Variants in ARHGAP6 observed in about 807,000 individuals in gnomAD.
ARHGAP6 encodes the protein rho GTPase-activating protein 6.
Under a neutral mutation model 55.7 loss-of-function variants are expected in ARHGAP6, and 16 were observed. The observed-to-expected ratio is 0.29, with a 90% CI of 0.19 to 0.44. The LOEUF is 0.44. Among genes scored for constraint, ARHGAP6 ranks in the 20% least tolerant of loss-of-function variants. The pLI is 1.00. For synonymous variants in ARHGAP6, 382 were observed against 360.9 expected (o/e 1.06, Z -0.66); for missense variants, 698 against 808.9 (o/e 0.86, Z 1.66).
At position 11,652,494 on chromosome X, in the gene ARHGAP6, G is replaced by A. The variant is rs766083256; in HGVS notation, c.588+11747C>T. 3.6e-5 allele frequency among the ~76,000 whole-genome samples: 4 copies of A among 111,883 alleles called. No individual in the cohort carries two copies. The South Asian group carries it at 1.5e-3, about 42-fold the overall frequency. ...CTTTGGGGGCAAGAGTTTAACTTTC[G>A]TTTAAAATATTTTCCAGTTGTAGTT... On this transcript the variant is annotated intron_variant, in intron 1 of 12. Transcript: ENST00000337414.
intron 6 of ARHGAP6, 55 bp from the exon 7 acceptor site, chrX:11,179,507 G>GTGCCCAGCA: frequency 8.7e-7 from 1 of 1,152,877 alleles, no homozygotes; most frequent in Non-Finnish European, 1.2e-6. Flanking sequence ...TCAATGAGCA[G>GTGCCCAGCA]TGCCCAGCAG....
chrX:11,292,129 G>A (rs546491617), intron 1 of ARHGAP6, among the ~76,000 whole-genome samples: 1 of 111,719 alleles, frequency 9.0e-6, no homozygotes, highest in South Asian at 3.7e-4. Context: ...TAAGTAATTT[G>A]TATATATACG....
intron 1 of ARHGAP6, among the ~76,000 whole-genome samples, chrX:11,419,275 C>A (rs1003123638): frequency 8.9e-6 from 1 of 112,030 alleles, no homozygotes; most frequent in Non-Finnish European, 1.9e-5. Flanking sequence ...AACACATTGG[C>A]GTAGTTCATT....
chrX:11,363,191 A>AG (rs2147697033), intron 1 of ARHGAP6, among the ~76,000 whole-genome samples: 1 of 112,260 alleles, frequency 8.9e-6, no homozygotes, highest in African/African-American at 3.2e-5. Flanking sequence ...CAGTATGCTA[A>AG]GGGAAGTGAA....
At chrX:11,276,727 C>T (rs775573699) in intron 1 of ARHGAP6, among the ~76,000 whole-genome samples, 64 of 112,156 alleles carry the variant, frequency 5.7e-4, no homozygotes, top group African/African-American at 1.8e-3. Context: ...CCTCAATATA[C>T]GACTTTTAAA....
At chrX:11,179,224 A>G (rs1374768774) in intron 7 of ARHGAP6, 78 bp downstream of exon 7, 1 of 956,866 alleles carries the variant, frequency 1.0e-6, no homozygotes, top group Non-Finnish European at 1.4e-6. Flanking sequence ...CAGGAAACAT[A>G]TGCATAAAGT....
At chrX:11,354,309 CTCTCTCTCTCTCTCTCTCTATATA>C (rs1253741631) in intron 1 of ARHGAP6, among the ~76,000 whole-genome samples, 15 of 63,881 alleles carry the variant, frequency 2.3e-4, no homozygotes, top group African/African-American at 8.9e-4. Flanking sequence ...CTCTCTCTCT[CTCTCTCTCTCTCTCTCTCTATATA>C]TATATATATA....
rs767814314 is a variant in ARHGAP6, at chrX:11,579,974, A to G, written c.588+84267T>C. Among the ~76,000 whole-genome samples, 4 of 111,010 alleles carry G rather than the reference A, an allele frequency of 3.6e-5. No homozygotes were observed. In the South Asian group the frequency reaches 1.5e-3, roughly 42 times the overall value. On this transcript the variant is annotated intron_variant, in intron 1 of 12. Coordinates refer to ENST00000337414, the MANE Select transcript of ARHGAP6 (RefSeq NM_013427.3). Reference sequence around the variant, plus strand: ...TAGAGAAATCATTTTCTGGGCTCATATTTTCCATTTTAATGTCACAAAAGA... The same window carrying G: ...TAGAGAAATCATTTTCTGGGCTCATGTTTTCCATTTTAATGTCACAAAAGA...
At chrX:11,439,595 G>GA (rs202101620) in intron 1 of ARHGAP6, among the ~76,000 whole-genome samples, 67 of 110,735 alleles carry the variant, frequency 6.1e-4, no homozygotes, top group African/African-American at 1.7e-3. Context: ...AAGCCCAAAA[G>GA]AAAAAAAAAT....
intron 1 of ARHGAP6, among the ~76,000 whole-genome samples, chrX:11,384,676 C>A (rs147563484): frequency 1.7e-3 from 185 of 112,065 alleles, no homozygotes; most frequent in African/African-American, 5.7e-3. Flanking sequence ...CTTGGCTACA[C>A]AGGAAAATCA....
At position 11,664,271 on chromosome X, in the gene ARHGAP6, G is replaced by A. The variant is rs780304625; in HGVS notation, c.558C>T (p.Arg186=). 8.3e-7 allele frequency: 1 copy of A among 1,210,744 alleles called. No individual in the cohort carries two copies. The change falls in exon 1 of 13, where the codon CGC becomes CGT. Residue 186 remains arginine (R), a synonymous_variant. Transcript: ENST00000337414. ...ATTTCCACACGACGTAGGGGTGCCC[G>A]CGACTGTCGGGTGGGGACTGGAACT... is the stretch of plus-strand genomic sequence containing the variant. The part of the protein sequence containing the change: ...QRKFQSPPDS[R]GHPYVVWKSE...
At chrX:11,348,878 G>A (rs2048821108) in intron 1 of ARHGAP6, among the ~76,000 whole-genome samples, 1 of 110,728 alleles carries the variant, frequency 9.0e-6, no homozygotes, top group Non-Finnish European at 1.9e-5. Flanking sequence ...CAAACTCCTG[G>A]GCTCAAGCAA....
intron 1 of ARHGAP6, among the ~76,000 whole-genome samples, chrX:11,606,557 G>C (rs2052038191): frequency 9.0e-6 from 1 of 111,352 alleles, no homozygotes; most frequent in Non-Finnish European, 1.9e-5. Flanking sequence ...GATCCTGATA[G>C]GGTCACATCA....
chrX:11,409,708 T>A (rs926193706), intron 1 of ARHGAP6, among the ~76,000 whole-genome samples: 2 of 112,938 alleles, frequency 1.8e-5, no homozygotes, highest in African/African-American at 6.4e-5. Flanking sequence ...CTACAAAAAA[T>A]ACTGTTGTGA....
chrX:11,317,421 G>A (rs2048371971), intron 1 of ARHGAP6, among the ~76,000 whole-genome samples: 1 of 111,748 alleles, frequency 8.9e-6, no homozygotes, highest in Non-Finnish European at 1.9e-5. Flanking sequence ...CTTAGACATC[G>A]TCATATTTAT....
Position 11,138,310 on chromosome X carries a change from G to A in ARHGAP6, c.*553C>T, listed in dbSNP as rs1248431374. ...TCTCATATTCTGCTTCCTCTTGTTA[G>A]TGTTTGGTATCGAAGGAAGGGTTAT... On this transcript the variant is annotated 3_prime_UTR_variant, in exon 13 of 13. Coordinates refer to ENST00000337414, the MANE Select transcript of ARHGAP6 (RefSeq NM_013427.3). 8.9e-6 allele frequency: 1 copy of A among 112,229 alleles called. No homozygotes were observed. Among genetic ancestry groups the A allele is most frequent in the Non-Finnish European group, 1.9e-5 (1 of 53,252 alleles). The allele number at this position is 112,229 out of a possible 1,213,427, so 9.2% of individuals were successfully genotyped here. A position where few individuals can be genotyped will look rare whatever the true frequency, so the allele number is the denominator to read the frequency against.
chrX:11,354,327 C>CTCTCTATATATATA (rs1343744315), intron 1 of ARHGAP6, among the ~76,000 whole-genome samples: 8 of 32,348 alleles, frequency 2.5e-4, no homozygotes, highest in Admixed American at 8.4e-4. Flanking sequence ...CTCTCTCTCT[C>CTCTCTATATATATA]TATATATATA....
chrX:11,595,184 G>A, intron 1 of ARHGAP6, among the ~76,000 whole-genome samples: 1 of 110,101 alleles, frequency 9.1e-6, no homozygotes, highest in Non-Finnish European at 1.9e-5. Context: ...CAGCAACTCG[G>A]GAGGCTGAGA....
intron 1 of ARHGAP6, among the ~76,000 whole-genome samples, chrX:11,318,211 T>C (rs1017021554): frequency 8.9e-6 from 1 of 112,142 alleles, no homozygotes; most frequent in African/African-American, 3.2e-5. Flanking sequence ...GATGAATAGA[T>C]ACAGCTGGCA....
Sources: allele counts gnomAD v4.1 joint callset (sites outside exome capture counted in the v4.1 genomes callset), GRCh38; gene constraint gnomAD v4.1.1; transcripts MANE v1.5; gene names NCBI Gene and HGNC (gene_info 2026-07-23, HGNC 2026-07-21).